The following CNTN3 variants were observed in gnomAD, a reference collection of about 807,000 sequenced individuals.
CNTN3 encodes contactin-3.
In CNTN3, 60 loss-of-function variants were observed where a neutral mutation model predicts 119.1. The observed-to-expected ratio is 0.50, with a 90% CI of 0.41 to 0.62. CNTN3 has a LOEUF of 0.62. Ranked by LOEUF, CNTN3 falls within the 20% of genes least tolerant of loss-of-function variation. CNTN3 has a pLI of 0.00. For synonymous variants in CNTN3, 450 were observed against 438.7 expected, an observed-to-expected ratio of 1.03 and a Z score of -0.32; for missense variants, 1,101 against 1,242.4, an observed-to-expected ratio of 0.89 and a Z score of 1.71.
At chr3:74,266,860 A>G (rs1701670558) in intron 21 of CNTN3, among the ~76,000 whole-genome samples, 2 of 152,108 alleles carry the variant, frequency 1.3e-5, no homozygotes, top group Admixed American at 1.3e-4. Flanking sequence ...GGGAAGAGTG[A>G]ACTTCTCCCG....
intron 1 of CNTN3, among the ~76,000 whole-genome samples, chr3:74,569,308 T>C (rs946089679): frequency 3.3e-5 from 5 of 152,150 alleles, no homozygotes; most frequent in African/African-American, 1.2e-4. Context: ...CGATGGCTGA[T>C]TGGTGTGGGA....
intron 5 of CNTN3, among the ~76,000 whole-genome samples, chr3:74,384,605 C>T (rs982205481): frequency 3.3e-5 from 5 of 152,102 alleles, no homozygotes; most frequent in African/African-American, 7.2e-5. Context: ...AAATAAATTC[C>T]TATTAAACAA....
chr3:74,447,267 A>G (rs1022699826), intron 4 of CNTN3, among the ~76,000 whole-genome samples: 11 of 152,166 alleles, frequency 7.2e-5, no homozygotes, highest in African/African-American at 2.2e-4. Context: ...CTCCAGTAGG[A>G]GGACTACTGA....
intron 1 of CNTN3, among the ~76,000 whole-genome samples, chr3:74,538,374 T>C (rs749797653): frequency 5.3e-5 from 8 of 152,140 alleles, no homozygotes; most frequent in South Asian, 2.1e-4. Flanking sequence ...CAAGGTTTTA[T>C]CACAAGCTAA....
intron 4 of CNTN3, among the ~76,000 whole-genome samples, chr3:74,453,302 G>C (rs7620725): frequency 0.2 from 30,736 of 151,974 alleles, 3,239 homozygotes; most frequent in Admixed American, 0.26. Flanking sequence ...GTTTACTTGC[G>C]AAGAGGTGTT....
intron 5 of CNTN3, among the ~76,000 whole-genome samples, chr3:74,391,557 C>CTTTTTTTTTTTTT (rs554976641): frequency 1.1e-5 from 1 of 87,030 alleles, no homozygotes; most frequent in African/African-American, 4.7e-5. Flanking sequence ...CCCATAGTTT[C>CTTTTTTTTTTTTT]TTTTTTTTTT....
At chr3:74,418,088 C>T (rs1701554023) in intron 5 of CNTN3, among the ~76,000 whole-genome samples, 1 of 152,108 alleles carries the variant, frequency 6.6e-6, no homozygotes, top group Non-Finnish European at 1.5e-5. Context: ...ACTTTTGCAC[C>T]TGCTCCTTTA....
chr3:74,499,536 C>T (rs1703125994), intron 3 of CNTN3, 123 bp downstream of exon 3: 1 of 816,912 alleles, frequency 1.2e-6, no homozygotes, highest in South Asian at 1.9e-5. Context: ...TATCATACAA[C>T]TATAGCTTCA....
At chr3:74,299,790 G>T in intron 17 of CNTN3, 78 bp downstream of exon 17, 1 of 1,170,256 alleles carries the variant, frequency 8.5e-7, no homozygotes, top group South Asian at 1.5e-5. Flanking sequence ...CTGCACCATT[G>T]GCACCACCAC....
chr3:74,589,180 T>A (rs2106682887), intron 1 of CNTN3, among the ~76,000 whole-genome samples: 1 of 152,010 alleles, frequency 6.6e-6, no homozygotes, highest in African/African-American at 2.4e-5. Flanking sequence ...ACCTACAAAA[T>A]GGGAGAAAAT....
At chr3:74,414,990 A>C (rs1428403481) in intron 5 of CNTN3, among the ~76,000 whole-genome samples, 1 of 148,888 alleles carries the variant, frequency 6.7e-6, no homozygotes, top group South Asian at 2.1e-4. Flanking sequence ...TTTTTTACTT[A>C]AAGCAGAAAA....
intron 4 of CNTN3, among the ~76,000 whole-genome samples, chr3:74,450,720 T>C (rs1240430059): frequency 7.1e-6 from 1 of 141,008 alleles, no homozygotes; most frequent in Admixed American, 7.6e-5. Flanking sequence ...TGTCCATGTG[T>C]TCTCATTGCT....
chr3:74,602,470 G>A (rs555429142), intron 1 of CNTN3, among the ~76,000 whole-genome samples: 65 of 152,038 alleles, frequency 4.3e-4, no homozygotes, highest in African/African-American at 1.5e-3. Context: ...TAATTCATGT[G>A]GGTAAATGGT....
intron 1 of CNTN3, among the ~76,000 whole-genome samples, chr3:74,526,369 T>C (rs1703619250): frequency 6.6e-6 from 1 of 151,754 alleles, no homozygotes; most frequent in South Asian, 2.1e-4. Context: ...ACTAGCATGG[T>C]AGTCAACTAG....
chr3:74,483,045 G>T (rs528710123), intron 4 of CNTN3, among the ~76,000 whole-genome samples: 1 of 151,978 alleles, frequency 6.6e-6, no homozygotes, highest in Non-Finnish European at 1.5e-5. Context: ...GTGGTGTCAG[G>T]TGAAGAATAC....
At chr3:74,513,614 C>T (rs1703404866) in intron 2 of CNTN3, among the ~76,000 whole-genome samples, 1 of 151,290 alleles carries the variant, frequency 6.6e-6, no homozygotes, top group African/African-American at 2.4e-5. Context: ...CAAATAAGGG[C>T]TGGATCTTCA....
At chr3:74,343,093 C>G (rs1703587609) in intron 11 of CNTN3, among the ~76,000 whole-genome samples, 1 of 152,174 alleles carries the variant, frequency 6.6e-6, no homozygotes, top group Admixed American at 6.5e-5. Flanking sequence ...ATGAGTCTAA[C>G]CAGGGAAAAT....
chr3:74,557,802 G>A (rs1208523728), intron 1 of CNTN3, among the ~76,000 whole-genome samples: 1 of 151,506 alleles, frequency 6.6e-6, no homozygotes, highest in Non-Finnish European at 1.5e-5. Flanking sequence ...AATAGTAACT[G>A]TCCATTTCCA....
chr3:74,391,398 C>A (rs1704897241), intron 5 of CNTN3, among the ~76,000 whole-genome samples: 1 of 152,062 alleles, frequency 6.6e-6, no homozygotes, highest in South Asian at 2.1e-4. Flanking sequence ...GAGCAAGCTA[C>A]ACATTCTGAG....
Sources: allele counts gnomAD v4.1 joint callset (sites outside exome capture counted in the v4.1 genomes callset), GRCh38; gene constraint gnomAD v4.1.1; transcripts MANE v1.5; gene names NCBI Gene and HGNC (gene_info 2026-07-23, HGNC 2026-07-21).